ADARB2: variants seen among roughly 807,000 people sequenced by gnomAD.
ADARB2 encodes inactive double-stranded RNA-specific editase B2.
In ADARB2, 25 loss-of-function variants were observed where a neutral mutation model predicts 62.2. The ratio of observed to expected loss-of-function variants is 0.40; its 90% CI spans 0.29 to 0.56. ADARB2 has a LOEUF of 0.56. ADARB2 is among the 20% of genes least tolerant of loss of function. The pLI is 0.43. For synonymous variants in ADARB2, 572 were observed against 500.8 expected (o/e 1.14, Z -1.90); for missense variants, 1,071 against 1,077.4 (o/e 0.99, Z 0.08).
At chr10:1,519,770 G>A (rs561815216) in intron 1 of ADARB2, among the ~76,000 whole-genome samples, 3 of 152,272 alleles carry the variant, frequency 2.0e-5, no homozygotes, top group South Asian at 2.1e-4. Flanking sequence ...CCTGCATCAT[G>A]GATCTTGTAA....
At chr10:1,220,008 AATGGTG>A (rs1830671442) in intron 6 of ADARB2, among the ~76,000 whole-genome samples, 1 of 78,482 alleles carries the variant, frequency 1.3e-5, no homozygotes, top group Non-Finnish European at 2.6e-5. Flanking sequence ...TGATGATGGT[AATGGTG>A]ATGGTGATGA....
At chr10:1,409,441 C>T (rs1247883417) in intron 1 of ADARB2, among the ~76,000 whole-genome samples, 2 of 152,212 alleles carry the variant, frequency 1.3e-5, no homozygotes, top group Non-Finnish European at 2.9e-5. Flanking sequence ...CTCAGTGGTG[C>T]TGAGGCCTGG....
At chr10:1,638,533 A>G (rs1344470596) in intron 1 of ADARB2, among the ~76,000 whole-genome samples, 1 of 151,012 alleles carries the variant, frequency 6.6e-6, no homozygotes, top group East Asian at 1.9e-4. Context: ...GGCCAATTAT[A>G]GCGAAGGATA....
intron 1 of ADARB2, among the ~76,000 whole-genome samples, chr10:1,492,154 T>C (rs1304299588): frequency 6.6e-6 from 1 of 152,114 alleles, no homozygotes; most frequent in African/African-American, 2.4e-5. Context: ...CATCAATAAG[T>C]GAACAATAAG....
intron 1 of ADARB2, among the ~76,000 whole-genome samples, chr10:1,727,136 T>C (rs2119041354): frequency 6.6e-6 from 1 of 152,240 alleles, no homozygotes; most frequent in East Asian, 1.9e-4. Flanking sequence ...ACAATGTAAA[T>C]CTGATAATAA....
intron 1 of ADARB2, among the ~76,000 whole-genome samples, chr10:1,734,292 A>T (rs2119051790): frequency 7.5e-6 from 1 of 134,060 alleles, no homozygotes; most frequent in East Asian, 2.5e-4. Context: ...TCTGTGACGA[A>T]GGTGTTTTTT....
chr10:1,186,182 TACAGG>T (rs1836755568), intron 8 of ADARB2, among the ~76,000 whole-genome samples: 1 of 152,222 alleles, frequency 6.6e-6, no homozygotes, highest in African/African-American at 2.4e-5. Flanking sequence ...ATCAGAGGAA[TACAGG>T]CTATGGGACG....
intron 1 of ADARB2, among the ~76,000 whole-genome samples, chr10:1,457,245 T>C (rs1831105846): frequency 6.6e-6 from 1 of 152,244 alleles, no homozygotes; most frequent in East Asian, 1.9e-4. Context: ...CTCAGCTTGC[T>C]GCAGAGGAGT....
At chr10:1,583,651 C>G (rs4478908) in intron 1 of ADARB2, among the ~76,000 whole-genome samples, 116,276 of 152,208 alleles carry the variant, frequency 0.76, 44,814 homozygotes, top group Non-Finnish European at 0.81. Context: ...TAAGATGTCA[C>G]TTCTTCCTCA....
chr10:1,283,638 G>C (rs925256303), intron 3 of ADARB2, among the ~76,000 whole-genome samples: 1 of 152,164 alleles, frequency 6.6e-6, no homozygotes, highest in Non-Finnish European at 1.5e-5. Flanking sequence ...GTTGATGATC[G>C]TGAGAATAAC....
chr10:1,276,466 C>A (rs1158770992), intron 3 of ADARB2, among the ~76,000 whole-genome samples: 1 of 152,072 alleles, frequency 6.6e-6, no homozygotes, highest in Non-Finnish European at 1.5e-5. Context: ...TTTGCCTGTT[C>A]ACTCTGATGG....
At chr10:1,516,548 C>A (rs1832011758) in intron 1 of ADARB2, among the ~76,000 whole-genome samples, 1 of 151,088 alleles carries the variant, frequency 6.6e-6, no homozygotes, top group South Asian at 2.1e-4. Flanking sequence ...CTGCTCTGTG[C>A]GGGCTGCTGT....
intron 2 of ADARB2, among the ~76,000 whole-genome samples, chr10:1,364,324 G>GC (rs142776111): frequency 2.0e-5 from 3 of 152,056 alleles, no homozygotes; most frequent in African/African-American, 4.8e-5. Flanking sequence ...GGTGCCCAAT[G>GC]CCCCCCCAAT....
intron 1 of ADARB2, among the ~76,000 whole-genome samples, chr10:1,407,751 C>G (rs908190205): frequency 3.3e-5 from 5 of 152,304 alleles, no homozygotes; most frequent in Non-Finnish European, 7.4e-5. Context: ...TGCCCTCCCC[C>G]ACCTCCAGGA....
intron 3 of ADARB2, among the ~76,000 whole-genome samples, chr10:1,348,415 C>T (rs541828147): frequency 7.0e-4 from 107 of 152,218 alleles, no homozygotes; most frequent in African/African-American, 2.1e-3. Flanking sequence ...GGCTGTCAGG[C>T]GACGCCTGAG....
At chr10:1,601,592 G>T (rs965624095) in intron 1 of ADARB2, among the ~76,000 whole-genome samples, 2 of 152,200 alleles carry the variant, frequency 1.3e-5, no homozygotes, top group African/African-American at 4.8e-5. Flanking sequence ...AACTTGGCAT[G>T]CTGTACACAC....
intron 1 of ADARB2, among the ~76,000 whole-genome samples, chr10:1,628,571 C>T (rs1027416941): frequency 3.9e-5 from 6 of 152,116 alleles, no homozygotes; most frequent in African/African-American, 7.2e-5. Context: ...GACACTTGGC[C>T]GAATGTCACT....
intron 1 of ADARB2, among the ~76,000 whole-genome samples, chr10:1,614,094 A>G (rs1833602176): frequency 6.6e-6 from 1 of 152,248 alleles, no homozygotes; most frequent in Admixed American, 6.5e-5. Context: ...CAACACACAG[A>G]CAGCCTGAAA....
At chr10:1,733,162 C>G (rs1004491918) in intron 1 of ADARB2, among the ~76,000 whole-genome samples, 6 of 152,216 alleles carry the variant, frequency 3.9e-5, no homozygotes, top group Non-Finnish European at 7.3e-5. Flanking sequence ...CCTGAAGCCC[C>G]TTCCCCTTTC....
Sources: gnomAD v4.1 joint callset for allele counts (sites outside exome capture counted in the v4.1 genomes callset) on GRCh38, gnomAD v4.1.1 for gene constraint, MANE v1.5 for transcripts, NCBI Gene and HGNC (gene_info 2026-07-23, HGNC 2026-07-21) for gene names.